Variants in DPYSL2 observed in about 807,000 individuals in gnomAD.
The protein encoded by DPYSL2 is dihydropyrimidinase like 2, also known as dihydropyrimidinase-related protein 2.
In DPYSL2, 13 loss-of-function variants were observed where a neutral mutation model predicts 69.9. The ratio of observed to expected loss-of-function variants is 0.19; its 90% CI spans 0.12 to 0.30. DPYSL2 has a LOEUF of 0.30. Ranked by LOEUF, DPYSL2 falls within the 10% of genes least tolerant of loss-of-function variation. The pLI is 1.00. For missense variants in DPYSL2, 587 were observed against 918.9 expected (o/e 0.64, Z 4.67); for synonymous variants, 326 against 359.1 (o/e 0.91, Z 1.04).
rs1001772326 is a variant in DPYSL2 at position 26,562,194 on chromosome 8, C to T, written c.355-19775C>T. 7.9e-5 allele frequency among the ~76,000 whole-genome samples: 12 copies of T among 152,190 alleles called. No homozygotes were observed. The highest frequency in any genetic ancestry group is 2.7e-4 in the African/African-American group (11 of 41,448). On this transcript the variant is annotated intron_variant, in intron 1 of 13. Coordinates refer to ENST00000521913, the MANE Select transcript of DPYSL2 (RefSeq NM_001197293.3). The surrounding 1 kb of genome is among the most constrained non-coding windows in gnomAD (Gnocchi z 4.9). ...AGACTGCAGGGCTTGATTCCTGGCT[C>T]TGCCACGTGTGAGTTTTGGGTCCTG...
chr8:26,636,168 AG>A (rs1195191442), intron 8 of DPYSL2, among the ~76,000 whole-genome samples: 2 of 148,654 alleles, frequency 1.3e-5, no homozygotes, highest in Non-Finnish European at 1.5e-5. Context: ...TTTAGAAATA[AG>A]AAAGCATTCA....
At chr8:26,521,924 A>G (rs774112373) in intron 1 of DPYSL2, among the ~76,000 whole-genome samples, 1 of 152,112 alleles carries the variant, frequency 6.6e-6, no homozygotes, top group Admixed American at 6.6e-5. Context: ...AGTTTTTCCA[A>G]TTATTTGATG....
At chr8:26,629,396 A>G (rs1158568129) in intron 7 of DPYSL2, among the ~76,000 whole-genome samples, 1 of 152,224 alleles carries the variant, frequency 6.6e-6, no homozygotes, top group Non-Finnish European at 1.5e-5. Context: ...AGAGGCAGAT[A>G]CACAGAACTG....
chr8:26,561,084 G>A (rs1479061990), intron 1 of DPYSL2, among the ~76,000 whole-genome samples: 1 of 152,192 alleles, frequency 6.6e-6, no homozygotes, highest in Non-Finnish European at 1.5e-5. Flanking sequence ...AGGGGGGTGA[G>A]TATGAGAAAT....
intron 1 of DPYSL2, among the ~76,000 whole-genome samples, chr8:26,547,255 C>G (rs530507570): frequency 6.6e-6 from 1 of 151,860 alleles, no homozygotes; most frequent in Non-Finnish European, 1.5e-5. Flanking sequence ...CCCAGCTACT[C>G]GGGTGGCTGA....
chr8:26,556,687 C>T (rs1052196899), intron 1 of DPYSL2, among the ~76,000 whole-genome samples: 1 of 151,546 alleles, frequency 6.6e-6, no homozygotes, highest in African/African-American at 2.4e-5. Context: ...CGGTTTGATC[C>T]ACACATTAGA....
chr8:26,573,690 A>T (rs1171211003), intron 1 of DPYSL2, among the ~76,000 whole-genome samples: 4 of 128,884 alleles, frequency 3.1e-5, no homozygotes, highest in African/African-American at 8.2e-5. Flanking sequence ...AAAAAAAATT[A>T]CCTGGGCGTG....
At chr8:26,551,547 A>G (rs1298913330) in intron 1 of DPYSL2, among the ~76,000 whole-genome samples, 1 of 152,182 alleles carries the variant, frequency 6.6e-6, no homozygotes, top group African/African-American at 2.4e-5. Flanking sequence ...AAAATCAGTA[A>G]GGACATAACA....
chr8:26,576,404 A>G (rs1801344506), intron 1 of DPYSL2, among the ~76,000 whole-genome samples: 1 of 150,352 alleles, frequency 6.7e-6, no homozygotes, highest in East Asian at 2.0e-4. Flanking sequence ...TAGGGATTCT[A>G]TGTATCCTTC....
chr8:26,596,433 CTT>C (rs1393899715), intron 3 of DPYSL2, among the ~76,000 whole-genome samples: 1 of 152,218 alleles, frequency 6.6e-6, no homozygotes, highest in African/African-American at 2.4e-5. Flanking sequence ...GTTGAGTCCT[CTT>C]GTCCTCCAGT....
intron 3 of DPYSL2, among the ~76,000 whole-genome samples, chr8:26,607,177 G>A (rs2129837505): frequency 6.6e-6 from 1 of 152,282 alleles, no homozygotes; most frequent in Admixed American, 6.5e-5. Context: ...GAAAATAGTA[G>A]TATATAGTCA....
chr8:26,626,807 T>A lies in DPYSL2; in HGVS notation c.855+129T>A. On this transcript the variant is annotated intron_variant, in intron 5 of 13. Transcript: ENST00000521913. The surrounding 1 kb of genome is among the most constrained non-coding windows in gnomAD (Gnocchi z 4.3). ...CTGGGAAGTGGCTGGTGGATGCAGTTACTGATGTAACTGAGCCTTGGAAGA... is the reference window on the plus strand; with the variant it reads ...CTGGGAAGTGGCTGGTGGATGCAGTAACTGATGTAACTGAGCCTTGGAAGA... 1.0e-6 allele frequency: 1 copy of A among 960,470 alleles called. No homozygotes were observed. Among genetic ancestry groups the A allele is most frequent in the Non-Finnish European group, 1.6e-6 (1 of 626,618 alleles). The allele number at this position is 960,470 out of a possible 1,614,324, so 59.5% of individuals were successfully genotyped here.
rs1236748309 is a variant in DPYSL2 at position 26,514,545 on chromosome 8, T to C, written c.220T>C (p.Leu74=). 2.6e-6 allele frequency: 4 copies of C among 1,529,452 alleles called. No homozygotes were observed. Among genetic ancestry groups the C allele is most frequent in the Non-Finnish European group, 3.5e-6 (4 of 1,144,118 alleles). 94.7% of individuals were successfully genotyped at this position (1,529,452 alleles called of 1,614,324 possible). The part of the protein sequence containing the change: ...VVAQQRDVAH[L]GPDPQPPYSR... ...GGCTCAGCAGCGGGACGTCGCCCAC[T>C]TGGGCCCGGACCCGCAGCCGCCGTA... Residue 74 remains leucine, a synonymous_variant, in exon 1 of 14, where the codon TTG becomes CTG. Coordinates refer to ENST00000521913, the MANE Select transcript of DPYSL2 (RefSeq NM_001197293.3). The surrounding 1 kb of genome is among the most constrained non-coding windows in gnomAD (Gnocchi z 8.4).
rs954192480 is a variant in DPYSL2 at position 26,564,219 on chromosome 8, G to A, written c.355-17750G>A. ...CCAAGCTTTTCTAATGGAGTCAGGC[G>A]AAGAGGCCAACTGTAGTGGGTTGAG... On this transcript the variant is annotated intron_variant, in intron 1 of 13. Transcript: ENST00000521913. This position sits in a 1 kb window ranked among gnomAD's most constrained non-coding sequence, Gnocchi z 4.8. Among the ~76,000 whole-genome samples, 1 of 152,206 alleles carries A rather than the reference G, an allele frequency of 6.6e-6. No homozygotes were observed. The highest frequency in any genetic ancestry group is 6.5e-5 in the Admixed American group (1 of 15,286).
chr8:26,631,908 G>A (rs1802785222), intron 7 of DPYSL2, among the ~76,000 whole-genome samples: 1 of 152,208 alleles, frequency 6.6e-6, no homozygotes, highest in African/African-American at 2.4e-5. Context: ...CCCTGTGTGG[G>A]TGATAAAGAG....
chr8:26,598,896 C>T lies in DPYSL2; in HGVS notation c.628+14913C>T, dbSNP rs1407728317. ...GGCAGGACGGGGGCTGCTTCTGTGC[C>T]TTTTCCCCACTGTGCGTATTCTTAG... On this transcript the variant is annotated intron_variant, in intron 3 of 13. Transcript: ENST00000521913. This position sits in a 1 kb window ranked among gnomAD's most constrained non-coding sequence, Gnocchi z 4.2. 6.6e-6 allele frequency among the ~76,000 whole-genome samples: 1 copy of T among 152,216 alleles called. No individual in the cohort carries two copies. Among genetic ancestry groups the T allele is most frequent in the Non-Finnish European group, 1.5e-5 (1 of 68,042 alleles).
At chr8:26,518,276 A>G (rs1426438226) in intron 1 of DPYSL2, among the ~76,000 whole-genome samples, 1 of 152,144 alleles carries the variant, frequency 6.6e-6, no homozygotes, top group African/African-American at 2.4e-5. Context: ...CAGGAGATAC[A>G]AGCATTTGTG....
intron 1 of DPYSL2, among the ~76,000 whole-genome samples, chr8:26,569,478 C>T (rs756670129): frequency 5.3e-5 from 8 of 151,748 alleles, no homozygotes; most frequent in Admixed American, 2.6e-4. Flanking sequence ...AAGCCTCGGT[C>T]ACCTGGGCTG....
chr8:26,541,838 C>A lies in DPYSL2; in HGVS notation c.354+27159C>A, dbSNP rs555525052. On this transcript the variant is annotated intron_variant, in intron 1 of 13. Coordinates refer to ENST00000521913, the MANE Select transcript of DPYSL2 (RefSeq NM_001197293.3). ...GATGAAAAATCAAAGCATATTACTACAAAAATCATCAAACAACAAAGACAG... is the reference window on the plus strand; with the variant it reads ...GATGAAAAATCAAAGCATATTACTAAAAAAATCATCAAACAACAAAGACAG... Among the ~76,000 whole-genome samples, 191 of 152,106 alleles carry A rather than the reference C, an allele frequency of 1.3e-3. 1 individual carries two copies. The highest frequency in any genetic ancestry group is 4.3e-3 in the African/African-American group (180 of 41,490).
Sources: allele counts gnomAD v4.1 joint callset (sites outside exome capture counted in the v4.1 genomes callset), GRCh38; gene constraint gnomAD v4.1.1; non-coding constraint Gnocchi (gnomAD v3.1); transcripts MANE v1.5; gene names NCBI Gene and HGNC (gene_info 2026-07-23, HGNC 2026-07-21).